AKAP6: variants seen among roughly 807,000 people sequenced by gnomAD.
AKAP6 encodes the protein A-kinase anchor protein 6.
A neutral mutation model predicts 188.5 loss-of-function variants in AKAP6; 58 were observed. That is an observed-to-expected ratio of 0.31 (90% CI 0.25 to 0.38). The LOEUF is 0.38. Among genes scored for constraint, AKAP6 ranks in the 10% least tolerant of loss-of-function variants. The pLI is 1.00. For synonymous variants in AKAP6, 989 were observed against 998.6 expected (o/e 0.99, Z 0.18); for missense variants, 2,710 against 2,740.0 (o/e 0.99, Z 0.24).
At chr14:32,798,542 A>G (rs1477176951) in intron 12 of AKAP6, among the ~76,000 whole-genome samples, 2 of 152,244 alleles carry the variant, frequency 1.3e-5, no homozygotes, top group African/African-American at 4.8e-5. Context: ...CTATGCAGCC[A>G]TAAAAAAGAA....
intron 2 of AKAP6, among the ~76,000 whole-genome samples, chr14:32,473,355 T>C (rs957174235): frequency 4.3e-4 from 65 of 152,162 alleles, no homozygotes; most frequent in African/African-American, 1.5e-3. Flanking sequence ...AATTACATGT[T>C]TGAAAACTAG....
intron 2 of AKAP6, among the ~76,000 whole-genome samples, chr14:32,506,980 AT>A (rs377126923): frequency 3.9e-5 from 6 of 152,128 alleles, no homozygotes; most frequent in East Asian, 3.9e-4. Context: ...CTTAAAAATC[AT>A]TTTTTTTCCT....
intron 7 of AKAP6, among the ~76,000 whole-genome samples, chr14:32,646,258 C>T (rs1887982818): frequency 6.6e-6 from 1 of 150,858 alleles, no homozygotes; most frequent in African/African-American, 2.4e-5. Flanking sequence ...ATATATAATA[C>T]ATAATAAGAT....
At chr14:32,622,597 T>C (rs1886860724) in intron 7 of AKAP6, among the ~76,000 whole-genome samples, 2 of 152,130 alleles carry the variant, frequency 1.3e-5, no homozygotes, top group African/African-American at 4.8e-5. Context: ...CAAAGGGTTA[T>C]TGAATTGATT....
chr14:32,799,144 G>A (rs2033862671), intron 12 of AKAP6, among the ~76,000 whole-genome samples: 1 of 152,116 alleles, frequency 6.6e-6, no homozygotes. Context: ...AGGAAATCCT[G>A]TCTTAAGTGA....
chr14:32,582,400 C>T (rs1325337729), intron 5 of AKAP6, among the ~76,000 whole-genome samples: 7 of 151,058 alleles, frequency 4.6e-5, no homozygotes, highest in Middle Eastern at 3.4e-3. Flanking sequence ...GTGGGTAACC[C>T]GACCTTTCTC....
chr14:32,665,185 A>G (rs530753661), intron 7 of AKAP6, among the ~76,000 whole-genome samples: 2 of 152,170 alleles, frequency 1.3e-5, no homozygotes, highest in East Asian at 3.9e-4. Context: ...CAGTTCCAAC[A>G]TTATCTACCC....
chr14:32,500,792 G>C (rs76934442), intron 2 of AKAP6, among the ~76,000 whole-genome samples: 1,803 of 152,198 alleles, frequency 0.012, 19 homozygotes, highest in African/African-American at 0.029. Flanking sequence ...AGTGTCTACA[G>C]GTATGATGGT....
rs1424519191 is a variant in AKAP6, at chr14:32,579,791, A to G, written c.2469+2549A>G. 2.0e-5 allele frequency among the ~76,000 whole-genome samples: 3 copies of G among 152,156 alleles called. No individual in the cohort carries two copies. The East Asian group carries it at 5.8e-4, about 29-fold the overall frequency. On this transcript the variant is annotated intron_variant, in intron 5 of 13. Coordinates refer to ENST00000280979, the MANE Select transcript of AKAP6 (RefSeq NM_004274.5). ...AGTTATTCTTCTCAACCTTCCCATA[A>G]AAGAAAATGTATGAATAAGCCTAGA...
chr14:32,374,727 C>T (rs941357671), intron 1 of AKAP6, among the ~76,000 whole-genome samples: 1 of 152,146 alleles, frequency 6.6e-6, no homozygotes, highest in Non-Finnish European at 1.5e-5. Flanking sequence ...ACTAGTATAA[C>T]TACCATTAGA....
intron 3 of AKAP6, 110 bp downstream of exon 3, chr14:32,535,915 C>T: frequency 1.4e-6 from 2 of 1,458,810 alleles, no homozygotes; most frequent in Non-Finnish European, 1.8e-6. Flanking sequence ...ATAAGCAGGC[C>T]CTGATGGGCT....
intron 1 of AKAP6, among the ~76,000 whole-genome samples, chr14:32,355,322 T>G (rs17098884): frequency 0.058 from 8,832 of 152,246 alleles, 327 homozygotes; most frequent in South Asian, 0.13. Context: ...AGTGTTTTGG[T>G]TCTTCTCTTA....
rs1263355728 is a variant in AKAP6, at chr14:32,378,154, G to A, written c.-35+48746G>A. 4.0e-5 allele frequency among the ~76,000 whole-genome samples: 6 copies of A among 150,908 alleles called. 1 individual carries two copies. Among genetic ancestry groups the A allele is most frequent in the African/African-American group, 1.5e-4 (6 of 41,026 alleles). ...TAATTAAAATGGCAATATTTTGCAT[G>A]GTATGACAAAACCTAATTGTCATGG... On this transcript the variant is annotated intron_variant, in intron 1 of 13. Coordinates refer to ENST00000280979, the MANE Select transcript of AKAP6 (RefSeq NM_004274.5).
chr14:32,422,125 A>T (rs1889870167), intron 1 of AKAP6, among the ~76,000 whole-genome samples: 2 of 152,188 alleles, frequency 1.3e-5, no homozygotes, highest in African/African-American at 4.8e-5. Context: ...AAACATTTTT[A>T]AAAATCAAGA....
chr14:32,795,917 A>G (rs916602020), intron 12 of AKAP6, among the ~76,000 whole-genome samples: 5 of 152,238 alleles, frequency 3.3e-5, no homozygotes, highest in African/African-American at 1.2e-4. Context: ...CCATAAACTG[A>G]TAAGCAATTT....
intron 7 of AKAP6, among the ~76,000 whole-genome samples, chr14:32,609,786 A>G (rs552645390): frequency 2.6e-5 from 4 of 152,084 alleles, no homozygotes; most frequent in African/African-American, 9.6e-5. Flanking sequence ...ACATTGCCTC[A>G]GCTGTCTTTA....
chr14:32,781,870 A>G (rs1022381202), intron 12 of AKAP6, among the ~76,000 whole-genome samples: 1 of 152,062 alleles, frequency 6.6e-6, no homozygotes, highest in Non-Finnish European at 1.5e-5. Flanking sequence ...TCAGAAACCT[A>G]AGGAAAAAAT....
chr14:32,587,156 A>G (rs1315393916), intron 5 of AKAP6, among the ~76,000 whole-genome samples: 3 of 152,108 alleles, frequency 2.0e-5, no homozygotes, highest in Non-Finnish European at 4.4e-5. Context: ...CCATGTTTTT[A>G]GAGTCATCTG....
chr14:32,468,340 T>C (rs1444955612), intron 2 of AKAP6, among the ~76,000 whole-genome samples: 3 of 152,218 alleles, frequency 2.0e-5, no homozygotes. Context: ...GACTTAGTTT[T>C]CATCCCTGGA....
Sources: allele counts gnomAD v4.1 joint callset (sites outside exome capture counted in the v4.1 genomes callset), GRCh38; gene constraint gnomAD v4.1.1; transcripts MANE v1.5; gene names NCBI Gene and HGNC (gene_info 2026-07-23, HGNC 2026-07-21).